TMTC1: variants seen among roughly 807,000 people sequenced by gnomAD.
TMTC1 encodes the protein transmembrane O-mannosyltransferase targeting cadherins 1, also known as protein O-mannosyl-transferase TMTC1.
In TMTC1, 73 loss-of-function variants were observed where a neutral mutation model predicts 104.8. The ratio of observed to expected loss-of-function variants is 0.70; its 90% CI spans 0.58 to 0.85. The LOEUF (loss-of-function observed/expected upper bound fraction) is 0.85, where lower values mean the gene tolerates loss of function less well. Ranked by LOEUF, TMTC1 falls within the 40% of genes least tolerant of loss-of-function variation. The probability of loss-of-function intolerance (pLI) is 0.00; values close to 1 mark genes in which losing one functional copy is unlikely to be tolerated. For missense variants in TMTC1, 1,035 were observed against 1,096.1 expected (o/e 0.94, Z 0.79); for synonymous variants, 434 against 428.7 (o/e 1.01, Z -0.15).
chr12:29,666,228 C>CTTTTTTTTTTTTTTTTTTCT, intron 5 of TMTC1: 1 of 365,804 alleles, frequency 2.7e-6, no homozygotes, highest in East Asian at 8.1e-5. Flanking sequence ...TTTCTTTTTT[C>CTTTTTTTTTTTTTTTTTTCT]TTTTTTTTTT....
chr12:29,605,253 G>T (rs1405254872), intron 6 of TMTC1, among the ~76,000 whole-genome samples: 1 of 151,810 alleles, frequency 6.6e-6, no homozygotes, highest in Non-Finnish European at 1.5e-5. Context: ...ATAAGTAAAA[G>T]AATTTCATAA....
intron 2 of TMTC1, among the ~76,000 whole-genome samples, chr12:29,760,821 A>C (rs1418355589): frequency 1.3e-5 from 2 of 149,916 alleles, no homozygotes; most frequent in African/African-American, 4.9e-5. Context: ...ACCATGATTC[A>C]TAATTATATA....
At chr12:29,618,273 C>A (rs368012067) in intron 6 of TMTC1, among the ~76,000 whole-genome samples, 12 of 152,110 alleles carry the variant, frequency 7.9e-5, no homozygotes, top group East Asian at 5.8e-4. Flanking sequence ...TGGGTAAAGT[C>A]AAAAGTTAAA....
At chr12:29,771,797 C>A (rs1943600809) in intron 1 of TMTC1, among the ~76,000 whole-genome samples, 2 of 152,042 alleles carry the variant, frequency 1.3e-5, no homozygotes, top group Non-Finnish European at 2.9e-5. Context: ...GAGGGAAGAC[C>A]CTCAGAAATG....
At position 29,742,559 on chromosome 12, in the gene TMTC1, T is replaced by C. The variant is rs1387746530; in HGVS notation, c.938+9107A>G. Among the ~76,000 whole-genome samples the C allele has an allele frequency of 2.0e-5, 3 of 152,214 alleles. No homozygotes were observed. In the East Asian group the frequency reaches 5.8e-4, roughly 29 times the overall value. The stretch of plus-strand genomic sequence containing the variant: ...CCTACCATATGACTATAAGGTCATC[T>C]ATCTAAAAAGCTAGTAAATTAAGTC... On this transcript the variant is annotated intron_variant, in intron 5 of 17. Transcript: ENST00000539277.
chr12:29,648,314 C>T (rs538310964), intron 5 of TMTC1, among the ~76,000 whole-genome samples: 4 of 152,288 alleles, frequency 2.6e-5, no homozygotes, highest in African/African-American at 2.4e-5. Context: ...TAAGGCCCCT[C>T]CATGGCTCTA....
Position 29,751,933 on chromosome 12 carries a change from C to T in TMTC1, c.732-61G>A, listed in dbSNP as rs560306062. On this transcript the variant is annotated intron_variant, in intron 4 of 17. Coordinates refer to ENST00000539277, the MANE Select transcript of TMTC1 (RefSeq NM_001193451.2). ...CCAGAATGACAAGGCTTACAACAAC[C>T]GATAGCAGTAAACTGCCCCACCCAC... The T allele has an allele frequency of 2.6e-5, 38 of 1,442,928 alleles. No individual in the cohort carries two copies. In the South Asian group the frequency reaches 3.6e-4, roughly 14 times the overall value. 89.4% of individuals were successfully genotyped at this position (1,442,928 alleles called of 1,614,324 possible). A position where few individuals can be genotyped will look rare whatever the true frequency, so the allele number is the denominator to read the frequency against.
At chr12:29,650,037 T>C (rs1420206088) in intron 5 of TMTC1, among the ~76,000 whole-genome samples, 1 of 152,134 alleles carries the variant, frequency 6.6e-6, no homozygotes, top group Non-Finnish European at 1.5e-5. Flanking sequence ...TACCTCAATC[T>C]GCATTTAGAG....
At chr12:29,633,743 C>T (rs1397502353) in intron 5 of TMTC1, among the ~76,000 whole-genome samples, 1 of 152,116 alleles carries the variant, frequency 6.6e-6, no homozygotes, top group African/African-American at 2.4e-5. Flanking sequence ...TTACACTGAT[C>T]TATATTGAGT....
At chr12:29,664,111 C>G (rs952335024) in intron 5 of TMTC1, among the ~76,000 whole-genome samples, 1 of 149,656 alleles carries the variant, frequency 6.7e-6, no homozygotes, top group Admixed American at 6.6e-5. Flanking sequence ...GGCGTGAACC[C>G]GGGAGGCGGA....
At chr12:29,546,369 A>G (rs1462855734) in intron 10 of TMTC1, among the ~76,000 whole-genome samples, 1 of 152,128 alleles carries the variant, frequency 6.6e-6, no homozygotes, top group African/African-American at 2.4e-5. Context: ...GAAAACACCA[A>G]ACTAAGGGAA....
chr12:29,773,012 G>C (rs951733922), intron 1 of TMTC1, among the ~76,000 whole-genome samples: 1 of 152,092 alleles, frequency 6.6e-6, no homozygotes. Context: ...ATTTGGTGTA[G>C]CCTTCATTCT....
chr12:29,759,936 G>T (rs892869336), intron 2 of TMTC1, among the ~76,000 whole-genome samples: 1 of 152,080 alleles, frequency 6.6e-6, no homozygotes, highest in Non-Finnish European at 1.5e-5. Flanking sequence ...ATACAGCTAT[G>T]CATTCAATAA....
intron 5 of TMTC1, among the ~76,000 whole-genome samples, chr12:29,733,768 C>T (rs1363724527): frequency 6.6e-6 from 1 of 152,170 alleles, no homozygotes; most frequent in African/African-American, 2.4e-5. Context: ...ATCAGTCTTT[C>T]TCTCCATTTC....
chr12:29,529,108 T>C (rs1021114758), intron 11 of TMTC1, among the ~76,000 whole-genome samples: 1 of 152,202 alleles, frequency 6.6e-6, no homozygotes, highest in Non-Finnish European at 1.5e-5. Flanking sequence ...AGTATTTTAA[T>C]AGCATTTTCA....
At chr12:29,766,829 C>G (rs945850079) in intron 2 of TMTC1, among the ~76,000 whole-genome samples, 1 of 152,128 alleles carries the variant, frequency 6.6e-6, no homozygotes, top group African/African-American at 2.4e-5. Context: ...TTCATCTACC[C>G]CTAGCCATGC....
At chr12:29,660,899 G>GA (rs1346283720) in intron 5 of TMTC1, 71 of 1,470,134 alleles carry the variant, frequency 4.8e-5, no homozygotes, top group Admixed American at 1.8e-4. Flanking sequence ...AAACGGGAAA[G>GA]AAAAAAAATC....
intron 1 of TMTC1, among the ~76,000 whole-genome samples, chr12:29,770,772 A>G (rs1473465060): frequency 4.6e-5 from 7 of 152,166 alleles, no homozygotes; most frequent in Non-Finnish European, 8.8e-5. Context: ...TCTCCAAATT[A>G]CAGACAAGTA....
At chr12:29,761,899 G>A (rs944374718) in intron 2 of TMTC1, among the ~76,000 whole-genome samples, 11 of 152,064 alleles carry the variant, frequency 7.2e-5, no homozygotes, top group Admixed American at 6.6e-4. Flanking sequence ...GCATGGAGGT[G>A]GTCGGACGCA....
Sources: allele counts gnomAD v4.1 joint callset (sites outside exome capture counted in the v4.1 genomes callset), GRCh38; gene constraint gnomAD v4.1.1; transcripts MANE v1.5; gene names NCBI Gene and HGNC (gene_info 2026-07-23, HGNC 2026-07-21).